CRIM1: variants seen among roughly 807,000 people sequenced by gnomAD.
CRIM1 encodes cysteine-rich motor neuron 1 protein.
A neutral mutation model predicts 116.4 loss-of-function variants in CRIM1; 32 were observed. The ratio of observed to expected loss-of-function variants is 0.27; its 90% CI spans 0.21 to 0.37. CRIM1 has a LOEUF of 0.37. Ranked by LOEUF, CRIM1 falls within the 10% of genes least tolerant of loss-of-function variation. CRIM1 has a pLI of 1.00. For synonymous variants in CRIM1, 590 were observed against 509.2 expected, an observed-to-expected ratio of 1.16 and a Z score of -2.13; for missense variants, 1,331 against 1,354.8, an observed-to-expected ratio of 0.98 and a Z score of 0.28.
chr2:36,536,406 G>T (rs894582004), intron 13 of CRIM1, among the ~76,000 whole-genome samples: 1 of 152,162 alleles, frequency 6.6e-6, no homozygotes, highest in African/African-American at 2.4e-5. Flanking sequence ...GAGTGGCGCT[G>T]CTTGTAGAAT....
At chr2:36,395,974 G>A (rs75028071) in intron 1 of CRIM1, among the ~76,000 whole-genome samples, 2,071 of 152,286 alleles carry the variant, frequency 0.014, 50 homozygotes, top group African/African-American at 0.048. Context: ...TTCCCAGACC[G>A]GAATGCAGTG....
Position 36,356,622 on chromosome 2 carries a change from A to C in CRIM1, c.330A>C (p.Glu110Asp), listed in dbSNP as rs1234015154. Reference protein sequence around the residue: ...SLTEYEAGVCEDENWTDDQLL... With the variant: ...SLTEYEAGVCDDENWTDDQLL... ...CCGAGTACGAAGCGGGCGTTTGCGA[A>C]GGTACGGCCGCCCGCTGCGGGCCCC... is the stretch of plus-strand genomic sequence containing the variant. Residue 110 changes from glutamate (E) to aspartate (D), a missense_variant and splice_region_variant, in exon 1 of 17, where the codon GAA becomes GAC. By Grantham distance (45) the Glu-to-Asp change is conservative. Transcript: ENST00000280527. The surrounding 1 kb of genome is among the most constrained non-coding windows in gnomAD (Gnocchi z 4.3). 3.1e-6 allele frequency: 5 copies of C among 1,604,176 alleles called. No homozygotes were observed. The highest frequency in any genetic ancestry group is 4.3e-6 in the Non-Finnish European group (5 of 1,176,364).
intron 2 of CRIM1, among the ~76,000 whole-genome samples, chr2:36,422,934 C>A (rs551636205): frequency 2.0e-5 from 3 of 152,308 alleles, no homozygotes; most frequent in Non-Finnish European, 2.9e-5. Flanking sequence ...TACAGAAATA[C>A]TGCAGTGCAT....
intron 2 of CRIM1, among the ~76,000 whole-genome samples, chr2:36,435,807 T>C (rs1277985597): frequency 2.0e-5 from 3 of 152,084 alleles, no homozygotes; most frequent in Non-Finnish European, 2.9e-5. Context: ...GGTGAGCCTG[T>C]CAATATTTTA....
intron 1 of CRIM1, 63 bp from the exon 2 acceptor site, chr2:36,396,551 C>T: frequency 2.6e-6 from 3 of 1,175,142 alleles, no homozygotes; most frequent in Non-Finnish European, 3.5e-6. Flanking sequence ...GCGTTTTTGC[C>T]CGCGAACAGG....
At chr2:36,404,598 T>A (rs1201735854) in intron 2 of CRIM1, among the ~76,000 whole-genome samples, 1 of 152,224 alleles carries the variant, frequency 6.6e-6, no homozygotes, top group African/African-American at 2.4e-5. Flanking sequence ...CACCTCAGAT[T>A]CACTAGGGCA....
At chr2:36,529,136 C>T (rs1441625539) in intron 13 of CRIM1, 1 of 471,332 alleles carries the variant, frequency 2.1e-6, no homozygotes, top group African/African-American at 2.0e-5. Context: ...ATCTGCCTTT[C>T]TCTTATTTTG....
intron 1 of CRIM1, among the ~76,000 whole-genome samples, chr2:36,358,251 T>C (rs766455286): frequency 6.6e-6 from 1 of 152,186 alleles, no homozygotes; most frequent in African/African-American, 2.4e-5. Context: ...TCTGATACCA[T>C]TGTATGTGTT....
chr2:36,377,366 C>A (rs562508021), intron 1 of CRIM1, among the ~76,000 whole-genome samples: 2 of 152,324 alleles, frequency 1.3e-5, no homozygotes, highest in South Asian at 4.1e-4. Flanking sequence ...ATGACTTCCT[C>A]TGGAGAAATT....
At chr2:36,526,433 C>T (rs1043349592) in intron 13 of CRIM1, among the ~76,000 whole-genome samples, 2 of 152,198 alleles carry the variant, frequency 1.3e-5, no homozygotes, top group African/African-American at 4.8e-5. Flanking sequence ...GTTTCTAAAG[C>T]ATCCCATGGC....
At chr2:36,440,606 A>G (rs957082170) in intron 2 of CRIM1, among the ~76,000 whole-genome samples, 1 of 152,220 alleles carries the variant, frequency 6.6e-6, no homozygotes, top group African/African-American at 2.4e-5. Flanking sequence ...GTCGGCAGAT[A>G]ATATTAGACA....
At chr2:36,513,527 C>G (rs1558388632) in intron 10 of CRIM1, 29 bp from the exon 11 acceptor site, 1 of 1,602,274 alleles carries the variant, frequency 6.2e-7, no homozygotes. Flanking sequence ...GTAGCCACTT[C>G]TTTACCAGGC....
chr2:36,496,588 A>G (rs1032345156), intron 7 of CRIM1, among the ~76,000 whole-genome samples: 13 of 152,202 alleles, frequency 8.5e-5, no homozygotes, highest in Non-Finnish European at 1.5e-4. Flanking sequence ...TAACACACAC[A>G]TTGTAAGACC....
At chr2:36,465,796 T>C (rs532070640) in intron 5 of CRIM1, among the ~76,000 whole-genome samples, 15 of 152,294 alleles carry the variant, frequency 9.8e-5, no homozygotes, top group Non-Finnish European at 1.6e-4. Context: ...AGTTTCTACA[T>C]CTCTAAAATG....
At chr2:36,384,902 A>AAGGTT (rs1671059450) in intron 1 of CRIM1, among the ~76,000 whole-genome samples, 1 of 152,220 alleles carries the variant, frequency 6.6e-6, no homozygotes, top group African/African-American at 2.4e-5. Flanking sequence ...TTTAAGAAAA[A>AAGGTT]AGGTTTTGAC....
At chr2:36,501,444 C>T (rs935486401) in intron 8 of CRIM1, among the ~76,000 whole-genome samples, 3 of 152,122 alleles carry the variant, frequency 2.0e-5, no homozygotes, top group Non-Finnish European at 4.4e-5. Flanking sequence ...GTTGGCCAGG[C>T]GTGGTGGCTC....
At chr2:36,357,004 C>T (rs1668871422) in intron 1 of CRIM1, among the ~76,000 whole-genome samples, 1 of 152,178 alleles carries the variant, frequency 6.6e-6, no homozygotes, top group African/African-American at 2.4e-5. Flanking sequence ...CTCGGGGAGC[C>T]CGGCCCTACC....
chr2:36,534,730 A>G (rs1342162811), intron 13 of CRIM1, among the ~76,000 whole-genome samples: 1 of 150,506 alleles, frequency 6.6e-6, no homozygotes, highest in Non-Finnish European at 1.5e-5. Flanking sequence ...GAAAAGGAAG[A>G]TGGAAGGAAG....
In CRIM1 at chr2:36,437,524, C is replaced by G. The variant is rs529808763; in HGVS notation, c.506-3734C>G. Among the ~76,000 whole-genome samples, 6 of 151,944 alleles carry G rather than the reference C, an allele frequency of 3.9e-5. No individual in the cohort carries two copies. The East Asian group carries it at 9.7e-4, about 25-fold the overall frequency. ...TCAAATTCAACAGGATCTTTAAAAA[C>G]AGTTTATTCTTAGAACACAAGGATG... On this transcript the variant is annotated intron_variant, in intron 2 of 16. Coordinates refer to ENST00000280527, the MANE Select transcript of CRIM1 (RefSeq NM_016441.3).
Sources: allele counts gnomAD v4.1 joint callset (sites outside exome capture counted in the v4.1 genomes callset), GRCh38; gene constraint gnomAD v4.1.1; non-coding constraint Gnocchi (gnomAD v3.1); transcripts MANE v1.5; gene names NCBI Gene and HGNC (gene_info 2026-07-23, HGNC 2026-07-21).